The following PTPRD variants were observed in gnomAD, a reference collection of about 807,000 sequenced individuals.
The protein encoded by PTPRD is protein tyrosine phosphatase receptor type D, also known as receptor-type tyrosine-protein phosphatase delta.
In PTPRD, 34 loss-of-function variants were observed where a neutral mutation model predicts 214.5. That is an observed-to-expected ratio of 0.16 (90% confidence interval 0.12 to 0.21). The LOEUF is 0.21. Ranked by LOEUF, PTPRD falls within the 10% of genes least tolerant of loss-of-function variation. The pLI is 1.00. For missense variants in PTPRD, 2,545 were observed against 2,398.7 expected (o/e 1.06, Z -1.27); for synonymous variants, 1,128 against 845.7 (o/e 1.33, Z -5.79).
intron 5 of PTPRD, among the ~76,000 whole-genome samples, chr9:9,801,754 G>C (rs1290574527): frequency 6.6e-6 from 1 of 151,990 alleles, no homozygotes; most frequent in African/African-American, 2.4e-5. Flanking sequence ...TCACCAAACA[G>C]GAGGATACTA....
chr9:9,293,960 G>A (rs1240237458), intron 9 of PTPRD, among the ~76,000 whole-genome samples: 2 of 151,366 alleles, frequency 1.3e-5, no homozygotes, highest in Non-Finnish European at 3.0e-5. Flanking sequence ...TATTCAAATG[G>A]CCAGCATCAG....
chr9:8,559,663 TCA>T (rs2085383324), intron 14 of PTPRD, among the ~76,000 whole-genome samples: 1 of 152,146 alleles, frequency 6.6e-6, no homozygotes, highest in African/African-American at 2.4e-5. Context: ...TAAGCTTCAG[TCA>T]CAACTTTCAG....
At chr9:9,153,319 A>G (rs2099878448) in intron 10 of PTPRD, among the ~76,000 whole-genome samples, 1 of 152,236 alleles carries the variant, frequency 6.6e-6, no homozygotes, top group Admixed American at 6.5e-5. Context: ...ATAGTTAGCC[A>G]AGATGGAATC....
chr9:9,209,738 A>G (rs138854301), intron 9 of PTPRD, among the ~76,000 whole-genome samples: 104 of 152,288 alleles, frequency 6.8e-4, no homozygotes, highest in Admixed American at 1.1e-3. Context: ...TGATTTTTAT[A>G]AGTGTTTAAA....
chr9:9,104,733 G>T (rs1298587807), intron 10 of PTPRD, among the ~76,000 whole-genome samples: 1 of 152,156 alleles, frequency 6.6e-6, no homozygotes, highest in African/African-American at 2.4e-5. Context: ...ATTAAGCTAT[G>T]CATTCATCCA....
At chr9:8,518,470 C>G (rs3763652) in intron 20 of PTPRD, 41 bp from the exon 21 acceptor site, 145,361 of 1,352,198 alleles carry the variant, frequency 0.11, 8,660 homozygotes, top group East Asian at 0.23. Context: ...TACCCATCAT[C>G]CCTATAATAT....
chr9:10,146,928 G>A (rs1314911652), intron 3 of PTPRD, among the ~76,000 whole-genome samples: 1 of 152,154 alleles, frequency 6.6e-6, no homozygotes, highest in Non-Finnish European at 1.5e-5. Flanking sequence ...ATGTGCTGCT[G>A]ACAGAGACAG....
chr9:9,049,538 G>C (rs993238038), intron 10 of PTPRD, among the ~76,000 whole-genome samples: 1 of 152,158 alleles, frequency 6.6e-6, no homozygotes, highest in African/African-American at 2.4e-5. Context: ...CTTATGGGAT[G>C]TGGAGGTTGC....
chr9:8,653,226 T>C (rs1286661673), intron 12 of PTPRD, among the ~76,000 whole-genome samples: 1 of 152,124 alleles, frequency 6.6e-6, no homozygotes, highest in East Asian at 1.9e-4. Flanking sequence ...AATAATTAAA[T>C]ATCTATTAGT....
intron 6 of PTPRD, among the ~76,000 whole-genome samples, chr9:9,734,945 C>G (rs1421416578): frequency 1.3e-5 from 2 of 152,024 alleles, no homozygotes; most frequent in African/African-American, 4.8e-5. Flanking sequence ...ATGGGAGAAG[C>G]AGACCAAAGT....
At chr9:8,438,415 T>G (rs1161869245) in intron 34 of PTPRD, among the ~76,000 whole-genome samples, 1 of 152,144 alleles carries the variant, frequency 6.6e-6, no homozygotes, top group Non-Finnish European at 1.5e-5. Context: ...TAGAAACTCT[T>G]TGTTGGTGAT....
At chr9:8,770,101 T>C (rs1288316968) in intron 11 of PTPRD, among the ~76,000 whole-genome samples, 1 of 151,958 alleles carries the variant, frequency 6.6e-6, no homozygotes, top group Non-Finnish European at 1.5e-5. Context: ...ACCAACATAG[T>C]GAACCCTCGT....
At chr9:9,861,443 A>G (rs1474714885) in intron 5 of PTPRD, among the ~76,000 whole-genome samples, 1 of 152,042 alleles carries the variant, frequency 6.6e-6, no homozygotes, top group Non-Finnish European at 1.5e-5. Flanking sequence ...GGCATGCACC[A>G]CCATGCCCAG....
intron 12 of PTPRD, among the ~76,000 whole-genome samples, chr9:8,651,730 T>C (rs1209318753): frequency 6.6e-6 from 1 of 152,162 alleles, no homozygotes; most frequent in Non-Finnish European, 1.5e-5. Context: ...CCGTTTTTTC[T>C]CCCTCACCGA....
chr9:10,102,986 A>G (rs1306327025), intron 3 of PTPRD, among the ~76,000 whole-genome samples: 1 of 151,668 alleles, frequency 6.6e-6, no homozygotes, highest in Non-Finnish European at 1.5e-5. Flanking sequence ...CACACACTTT[A>G]TGCCGACTTC....
chr9:8,615,236 G>T (rs1462204013), intron 14 of PTPRD, among the ~76,000 whole-genome samples: 3 of 142,098 alleles, frequency 2.1e-5, no homozygotes, highest in African/African-American at 9.4e-5. Flanking sequence ...TAGCGTTAAT[G>T]GGAGCTGTGG....
chr9:9,606,592 G>C (rs2094169010), intron 7 of PTPRD, among the ~76,000 whole-genome samples: 1 of 151,922 alleles, frequency 6.6e-6, no homozygotes. Flanking sequence ...AAATTAAGGA[G>C]TCTTTAATCA....
chr9:8,907,533 A>AAATATATATAT (rs3046919), intron 11 of PTPRD, among the ~76,000 whole-genome samples: 2 of 118,246 alleles, frequency 1.7e-5, no homozygotes, highest in African/African-American at 6.6e-5. Context: ...AAAAAAAAAA[A>AAATATATATAT]ATATATATAT....
chr9:8,466,694 AT>A (rs1217821368), intron 31 of PTPRD, among the ~76,000 whole-genome samples: 2 of 151,848 alleles, frequency 1.3e-5, no homozygotes, highest in Non-Finnish European at 2.9e-5. Context: ...TATTTTATTT[AT>A]TTTAATATCT....
Sources: gnomAD v4.1 joint callset for allele counts (sites outside exome capture counted in the v4.1 genomes callset) on GRCh38, gnomAD v4.1.1 for gene constraint, MANE v1.5 for transcripts, NCBI Gene and HGNC (gene_info 2026-07-23, HGNC 2026-07-21) for gene names.